The following CARNS1 variants were observed in gnomAD, a reference collection of about 807,000 sequenced individuals.
The protein encoded by CARNS1 is carnosine synthase 1, also known as ATP-grasp domain containing 1.
A neutral mutation model predicts 74.0 loss-of-function variants in CARNS1; 61 were observed. That is an observed-to-expected ratio of 0.82 (90% confidence interval 0.67 to 1.02). CARNS1 has a LOEUF of 1.02. Ranked by LOEUF, CARNS1 falls within the 50% of genes least tolerant of loss-of-function variation. The pLI is 0.00. For synonymous variants in CARNS1, 568 were observed against 605.5 expected, an observed-to-expected ratio of 0.94 and a Z score of 0.91; for missense variants, 1,278 against 1,308.4, an observed-to-expected ratio of 0.98 and a Z score of 0.36.
rs1399021550 is a variant in CARNS1, at chr11:67,419,812, C to G, written c.1087C>G (p.Gln363Glu). ...VRICAVVCRT[Q>E]GDRPLLSKVV... ...AATCTGTGCTGTGGTGTGTCGGACA[C>G]AGGGTGATAGGCCACTGCTGAGCAA... Residue 363 changes from glutamine to glutamate, a missense_variant, in exon 7 of 10, where the codon CAG becomes GAG. Coordinates refer to ENST00000687366, the MANE Select transcript of CARNS1 (RefSeq NM_001166222.2). The G allele has an allele frequency of 1.3e-6, 2 of 1,595,468 alleles. No homozygotes were observed. The highest frequency in any genetic ancestry group is 1.7e-6 in the Non-Finnish European group (2 of 1,171,538).
At chr11:67,422,331 G>A (rs1020779219) in intron 9 of CARNS1, among the ~76,000 whole-genome samples, 2 of 151,216 alleles carry the variant, frequency 1.3e-5, no homozygotes, top group Non-Finnish European at 2.9e-5. Flanking sequence ...TTACAGGCAC[G>A]CACCAACATG....
intron 9 of CARNS1, among the ~76,000 whole-genome samples, chr11:67,422,248 A>G (rs948222336): frequency 7.3e-6 from 1 of 137,568 alleles, no homozygotes; most frequent in Non-Finnish European, 1.5e-5. Context: ...GAATGGCGCA[A>G]TCTCGGCCCA....
At position 67,424,318 on chromosome 11, in the gene CARNS1, G is replaced by A. The variant is rs377708479; in HGVS notation, c.2570G>A (p.Gly857Asp). ...PALPTRPRAR[G>D]HLVGVMCLVS... The stretch of plus-strand genomic sequence containing the variant: ...CTGCCCACCCGCCCACGTGCTCGTG[G>A]CCATCTGGTGGGCGTCATGTGCCTT... Residue 857 changes from glycine (G) to aspartate (D), a missense_variant, in exon 10 of 10, where the codon GGC (glycine) becomes GAC (aspartate). By Grantham distance (94) the Gly-to-Asp change is moderately conservative (BLOSUM62 -1). Transcript: ENST00000687366. 6 of 1,611,022 alleles carry A rather than the reference G, an allele frequency of 3.7e-6. No individual in the cohort carries two copies. The highest frequency in any genetic ancestry group is 1.3e-5 in the African/African-American group (1 of 74,908).
Position 67,423,714 on chromosome 11 carries a change from G to C in CARNS1, c.1966G>C (p.Glu656Gln). 1.9e-6 allele frequency: 3 copies of C among 1,580,622 alleles called. No homozygotes were observed. The highest frequency in any genetic ancestry group is 8.6e-7 in the Non-Finnish European group (1 of 1,168,154). Residue 656 changes from glutamate (E) to glutamine (Q), a missense_variant, in exon 10 of 10, where the codon GAG becomes CAG. Glu to Gln is a conservative substitution (Grantham distance 29). Coordinates refer to ENST00000687366, the MANE Select transcript of CARNS1 (RefSeq NM_001166222.2). The surrounding 1 kb of genome is among the most constrained non-coding windows in gnomAD (Gnocchi z 5.1). ...CCATGCTGTGCCCTGCTGCCCACTG[G>C]AGAGTGAGGCTGATGTGGAGAGGGC... The part of the protein sequence containing the change: ...SLHAVPCCPL[E>Q]SEADVERAVH...
intron 3 of CARNS1, 22 bp from the exon 4 acceptor site, chr11:67,418,409 G>C (rs1304759517): frequency 7.0e-7 from 1 of 1,435,722 alleles, no homozygotes; most frequent in Non-Finnish European, 9.1e-7. Flanking sequence ...CTGGTGAGCT[G>C]GGCCATGTTC....
rs553570524 is a variant in CARNS1 at position 67,416,748 on chromosome 11, T to C, written c.3+546T>C. 125 of 986,058 alleles carry C rather than the reference T, an allele frequency of 1.3e-4. No homozygotes were observed. The African/African-American group carries it at 1.6e-3, about 13-fold the overall frequency. The allele number at this position is 986,058 out of a possible 1,614,324, so 61.1% of individuals were successfully genotyped here. A position where few individuals can be genotyped will look rare whatever the true frequency, so the allele number is the denominator to read the frequency against. On this transcript the variant is annotated intron_variant, in intron 2 of 9. Transcript: ENST00000687366. ...CACGAAGCCTCCCAGCAGCCCCATA[T>C]TGGGGGGGCGCCAGCCTCAGAGAGG...
rs1364238053 is a variant in CARNS1, at chr11:67,424,576, C to G, written c.2828C>G (p.Ala943Gly). 21 of 1,606,808 alleles carry G rather than the reference C, an allele frequency of 1.3e-5. No individual in the cohort carries two copies. Among genetic ancestry groups the G allele is most frequent in the South Asian group, 2.2e-5 (2 of 90,344 alleles). ...LGIDGPSYPV[A>G]HFLSHFK ...ATCGATGGGCCCAGCTACCCTGTTGCCCACTTCCTGTCTCACTTCAAATAG... is the reference window on the plus strand; with the variant it reads ...ATCGATGGGCCCAGCTACCCTGTTGGCCACTTCCTGTCTCACTTCAAATAG... The change falls in exon 10 of 10, where the codon GCC becomes GGC. Residue 943 changes from alanine to glycine, a missense_variant. Transcript: ENST00000687366.
In CARNS1 at chr11:67,424,875, A is replaced by ACACACACACACG. The variant is rs1274027069; in HGVS notation, c.*285_*286insGCACACACACAC. The ACACACACACACG allele has an allele frequency of 1.6e-6, 1 of 626,538 alleles. No individual in the cohort carries two copies. Among genetic ancestry groups the ACACACACACACG allele is most frequent in the Non-Finnish European group, 2.9e-6 (1 of 339,124 alleles). 38.8% of individuals were successfully genotyped at this position (626,538 alleles called of 1,614,324 possible). A position where few individuals can be genotyped will look rare whatever the true frequency, so the allele number is the denominator to read the frequency against. ...AATGACAATGGCCACACACACACAC[A>ACACACACACACG]CACACACACACACACACCTCTGACG... On this transcript the variant is annotated 3_prime_UTR_variant, in exon 10 of 10. Coordinates refer to ENST00000687366, the MANE Select transcript of CARNS1 (RefSeq NM_001166222.2).
chr11:67,424,683 C>G lies in CARNS1; in HGVS notation c.*82C>G. 7.1e-7 allele frequency: 1 copy of G among 1,401,470 alleles called. No individual in the cohort carries two copies. Among genetic ancestry groups the G allele is most frequent in the East Asian group, 2.5e-5 (1 of 40,562 alleles). The allele number at this position is 1,401,470 out of a possible 1,614,324, so 86.8% of individuals were successfully genotyped here. A position where few individuals can be genotyped will look rare whatever the true frequency, so the allele number is the denominator to read the frequency against. Reference sequence around the variant, plus strand: ...GCTCCCTGGAGCTCTTCCTGCTTCTCTCCCCATCACCATGCCCCAGCCCCA... The same window carrying G: ...GCTCCCTGGAGCTCTTCCTGCTTCTGTCCCCATCACCATGCCCCAGCCCCA... On this transcript the variant is annotated 3_prime_UTR_variant, in exon 10 of 10. Coordinates refer to ENST00000687366, the MANE Select transcript of CARNS1 (RefSeq NM_001166222.2).
chr11:67,422,442 C>A (rs1376219368), intron 9 of CARNS1, among the ~76,000 whole-genome samples: 3 of 152,072 alleles, frequency 2.0e-5, no homozygotes, highest in Non-Finnish European at 4.4e-5. Context: ...TTTGGCCTCC[C>A]AAAGAACTGG....
chr11:67,420,879 G>A, intron 8 of CARNS1, 39 bp downstream of exon 8: 3 of 1,303,458 alleles, frequency 2.3e-6, no homozygotes, highest in Non-Finnish European at 2.9e-6. Flanking sequence ...GGGAGCCGAG[G>A]GCCAGGGGCT....
intron 9 of CARNS1, among the ~76,000 whole-genome samples, chr11:67,421,534 T>C (rs1427132818): frequency 6.6e-6 from 1 of 151,574 alleles, no homozygotes; most frequent in African/African-American, 2.4e-5. Context: ...AGCGCCAGAG[T>C]GGGGGCCTTG....
Position 67,424,861 on chromosome 11 carries a change from CCACACA to C in CARNS1, c.*286_*291del, listed in dbSNP as rs59798232. The C allele has an allele frequency of 4.9e-4, 251 of 508,522 alleles. No individual in the cohort carries two copies. The highest frequency in any genetic ancestry group is 1.9e-3 in the African/African-American group (92 of 47,710). 31.5% of individuals were successfully genotyped at this position (508,522 alleles called of 1,614,324 possible). A position where few individuals can be genotyped will look rare whatever the true frequency, so the allele number is the denominator to read the frequency against. On this transcript the variant is annotated 3_prime_UTR_variant, in exon 10 of 10. Coordinates refer to ENST00000687366, the MANE Select transcript of CARNS1 (RefSeq NM_001166222.2). ...TCTAGCCTTGGAGAAATGACAATGG[CCACACA>C]CACACACACACACACACACACACAC...
Position 67,424,369 on chromosome 11 carries a change from G to C in CARNS1, c.2621G>C (p.Ser874Thr). 1 of 1,599,378 alleles carries C rather than the reference G, an allele frequency of 6.3e-7. No individual in the cohort carries two copies. Among genetic ancestry groups the C allele is most frequent in the Non-Finnish European group, 8.5e-7 (1 of 1,173,484 alleles). The change falls in exon 10 of 10, where the codon AGT (serine) becomes ACT (threonine). Residue 874 changes from serine (S) to threonine (T), a missense_variant. By Grantham distance (58) the Ser-to-Thr change is moderately conservative. Transcript: ENST00000687366. ...GTGTCCCAGCACCTGCAGGCCCTGA[G>C]TTCCACCGCCAGCCGTGAGACCCTG... ...CLVSQHLQAL[S>T]STASRETLQA...
chr11:67,419,189 G>T lies in CARNS1; in HGVS notation c.798G>T (p.Val266=), dbSNP rs755715768. 6.6e-7 allele frequency: 1 copy of T among 1,520,212 alleles called. No homozygotes were observed. The highest frequency in any genetic ancestry group is 2.1e-5 in the Admixed American group (1 of 47,532). The allele number at this position is 1,520,212 out of a possible 1,614,324, so 94.2% of individuals were successfully genotyped here. A position where few individuals can be genotyped will look rare whatever the true frequency, so the allele number is the denominator to read the frequency against. ...LSGKEGQETL[V]KEEVEAFLRS... ...GCAAAGAGGGCCAGGAGACGCTGGT[G>T]AAAGAGGAAGTGGAGGCTTTTCTGC... is the stretch of plus-strand genomic sequence containing the variant. Residue 266 remains valine (V), a synonymous_variant, in exon 5 of 10, where the codon GTG becomes GTT. Transcript: ENST00000687366.
intron 1 of CARNS1, 28 bp from the exon 2 acceptor site, chr11:67,416,146 GTC>G: frequency 7.3e-7 from 1 of 1,376,788 alleles, no homozygotes; most frequent in Non-Finnish European, 1.0e-6. Context: ...TGACTCCTTC[GTC>G]TCTCTGTCCC....
rs1360740991 is a variant in CARNS1, at chr11:67,425,023, C to G, written c.*422C>G. 2.1e-6 allele frequency: 1 copy of G among 474,140 alleles called. No homozygotes were observed. The allele number at this position is 474,140 out of a possible 1,614,324, so 29.4% of individuals were successfully genotyped here. A position where few individuals can be genotyped will look rare whatever the true frequency, so the allele number is the denominator to read the frequency against. On this transcript the variant is annotated 3_prime_UTR_variant, in exon 10 of 10. Coordinates refer to ENST00000687366, the MANE Select transcript of CARNS1 (RefSeq NM_001166222.2). ...GCTGGGCCCCAAGCCTTGGACAAATCCTGGGAAAACCTGAGACTAGAACCC... is the reference window on the plus strand; with the variant it reads ...GCTGGGCCCCAAGCCTTGGACAAATGCTGGGAAAACCTGAGACTAGAACCC...
intron 9 of CARNS1, 24 bp downstream of exon 9, chr11:67,421,243 T>TGGGCCCCAGGTCCTGGCCC (rs1171291407): frequency 1.4e-6 from 2 of 1,457,968 alleles, no homozygotes; most frequent in Non-Finnish European, 1.8e-6. Flanking sequence ...GGGGCGGGGC[T>TGGGCCCCAGGTCCTGGCCC]GGGCCCCAGG....
chr11:67,422,476 C>T (rs1418150251), intron 9 of CARNS1, among the ~76,000 whole-genome samples: 1 of 152,158 alleles, frequency 6.6e-6, no homozygotes, highest in Non-Finnish European at 1.5e-5. Context: ...AGCCACCAGC[C>T]CGGCCTGCCT....
Sources: gnomAD v4.1 joint callset for allele counts (sites outside exome capture counted in the v4.1 genomes callset) on GRCh38, gnomAD v4.1.1 for gene constraint, Gnocchi (gnomAD v3.1) non-coding constraint, MANE v1.5 for transcripts, NCBI Gene and HGNC (gene_info 2026-07-23, HGNC 2026-07-21) for gene names.